Variants in MYO3B observed in about 807,000 individuals in gnomAD.
MYO3B encodes myosin IIIB.
In MYO3B, 156 loss-of-function variants were observed where a neutral mutation model predicts 174.6. The observed-to-expected ratio is 0.89, with a 90% CI of 0.78 to 1.02. The LOEUF is 1.02. Ranked by LOEUF, MYO3B falls within the 50% of genes least tolerant of loss-of-function variation. The pLI is 0.00. For missense variants in MYO3B, 1,632 were observed against 1,639.4 expected (o/e 1.00, Z 0.08); for synonymous variants, 563 against 569.1 (o/e 0.99, Z 0.15).
rs577585259 is a variant in MYO3B, at chr2:170,214,490, A to C, written c.426+7A>C. On this transcript the variant is annotated splice_region_variant and intron_variant, in intron 4 of 34. Coordinates refer to ENST00000408978, the MANE Select transcript of MYO3B (RefSeq NM_138995.5). ...CTTGTACGGGGCCCTCTTGGTAAGA[A>C]CATCTATCAAATGGGGTATGACAGC... The C allele has an allele frequency of 2.3e-5, 37 of 1,612,602 alleles. No individual in the cohort carries two copies. In the South Asian group the frequency reaches 3.2e-4, roughly 14 times the overall value.
chr2:170,208,884 GA>G (rs1559300626), intron 3 of MYO3B, among the ~76,000 whole-genome samples: 1 of 152,154 alleles, frequency 6.6e-6, no homozygotes, highest in Non-Finnish European at 1.5e-5. Flanking sequence ...AGGAATTTCG[GA>G]TAAGACCTTT....
chr2:170,484,415 T>C (rs891841369), intron 25 of MYO3B, among the ~76,000 whole-genome samples: 4 of 152,248 alleles, frequency 2.6e-5, no homozygotes, highest in African/African-American at 9.6e-5. Flanking sequence ...AATTTTCTAA[T>C]TGTAAATAAT....
At chr2:170,284,403 A>T (rs1362566052) in intron 7 of MYO3B, among the ~76,000 whole-genome samples, 1 of 152,140 alleles carries the variant, frequency 6.6e-6, no homozygotes, top group Admixed American at 6.5e-5. Context: ...TCAGCTCAAT[A>T]CATGTCAGTA....
chr2:170,554,144 G>A (rs770391207), intron 32 of MYO3B, among the ~76,000 whole-genome samples: 3 of 152,044 alleles, frequency 2.0e-5, no homozygotes, highest in Non-Finnish European at 4.4e-5. Flanking sequence ...CTGGGTTTTT[G>A]GTTTCTTTGT....
intron 3 of MYO3B, among the ~76,000 whole-genome samples, chr2:170,202,160 G>A (rs1014197646): frequency 6.6e-6 from 1 of 152,182 alleles, no homozygotes; most frequent in Non-Finnish European, 1.5e-5. Flanking sequence ...CCAGAACTAT[G>A]AGCTGAGCCT....
At chr2:170,565,879 A>G (rs1692044136) in intron 32 of MYO3B, among the ~76,000 whole-genome samples, 1 of 152,206 alleles carries the variant, frequency 6.6e-6, no homozygotes, top group Non-Finnish European at 1.5e-5. Flanking sequence ...AAGCATAATC[A>G]TTTTAGATAA....
rs2093671704 is a variant in MYO3B at position 170,302,410 on chromosome 2, A to C, written c.750-32975A>C. On this transcript the variant is annotated intron_variant, in intron 7 of 34. Coordinates refer to ENST00000408978, the MANE Select transcript of MYO3B (RefSeq NM_138995.5). ...ATGAGTTCTCTGTTTTCTGTAATTG[A>C]AATGACCAGCTGGGGCTGGGACTGT... Among the ~76,000 whole-genome samples the C allele has an allele frequency of 3.3e-5, 5 of 152,210 alleles. No individual in the cohort carries two copies. In the South Asian group the frequency reaches 1.0e-3, roughly 32 times the overall value.
chr2:170,289,999 G>A (rs540765746), intron 7 of MYO3B, among the ~76,000 whole-genome samples: 12 of 152,134 alleles, frequency 7.9e-5, no homozygotes, highest in African/African-American at 2.9e-4. Flanking sequence ...GTGTTTGTGT[G>A]TTTTCCAAAG....
intron 8 of MYO3B, among the ~76,000 whole-genome samples, chr2:170,364,605 C>A (rs876751): frequency 0.62 from 93,584 of 152,000 alleles, 30,241 homozygotes; most frequent in Admixed American, 0.75. Context: ...GAAATGAATA[C>A]GTTTCTTAGA....
At chr2:170,531,236 A>G (rs1488113129) in intron 30 of MYO3B, among the ~76,000 whole-genome samples, 1 of 152,210 alleles carries the variant, frequency 6.6e-6, no homozygotes, top group Non-Finnish European at 1.5e-5. Context: ...ATTTGTAAAA[A>G]TGCAAAAAGT....
rs548383126 is a variant in MYO3B, at chr2:170,412,895, T to C, written c.2650+5051T>C. On this transcript the variant is annotated intron_variant, in intron 22 of 34. Coordinates refer to ENST00000408978, the MANE Select transcript of MYO3B (RefSeq NM_138995.5). ...GGAGGCCTGGGGAGTGAGTTCCTCC[T>C]TACAAAGAGACCCACTTCTTTCTAT... Among the ~76,000 whole-genome samples, 9 of 152,292 alleles carry C rather than the reference T, an allele frequency of 5.9e-5. No homozygotes were observed. The East Asian group carries it at 1.7e-3, about 29-fold the overall frequency.
chr2:170,344,012 G>A (rs2105571887), intron 8 of MYO3B, among the ~76,000 whole-genome samples: 1 of 152,350 alleles, frequency 6.6e-6, no homozygotes, highest in East Asian at 1.9e-4. Flanking sequence ...TGGTGTGGCA[G>A]GGCCACATGG....
At chr2:170,251,745 C>A (rs2093255858) in intron 7 of MYO3B, among the ~76,000 whole-genome samples, 1 of 152,170 alleles carries the variant, frequency 6.6e-6, no homozygotes, top group South Asian at 2.1e-4. Context: ...TTCTGTTTTT[C>A]TAAGCCAGCT....
intron 27 of MYO3B, among the ~76,000 whole-genome samples, 154 bp from the exon 28 acceptor site, chr2:170,501,631 G>A (rs1687274356): frequency 6.6e-6 from 1 of 152,214 alleles, no homozygotes; most frequent in Non-Finnish European, 1.5e-5. Context: ...CTCTCTTCTC[G>A]CCATAGATCA....
intron 6 of MYO3B, among the ~76,000 whole-genome samples, chr2:170,234,080 A>G (rs1394993003): frequency 6.8e-6 from 1 of 147,332 alleles, no homozygotes; most frequent in African/African-American, 2.5e-5. Flanking sequence ...CTGAGGCAGG[A>G]GAATGGCGTG....
In MYO3B at chr2:170,466,580, T is replaced by G; in HGVS notation, c.2883T>G (p.Asp961Glu). ...TTGTGCGCTGCATTAAACCCAATGATGACCGAGAGGCCCTGCAGTTCTCTC... is the reference window on the plus strand; with the variant it reads ...TTGTGCGCTGCATTAAACCCAATGAGGACCGAGAGGCCCTGCAGTTCTCTC... The part of the protein sequence containing the change: ...PHFVRCIKPN[D>E]DREALQFSRE... The change falls in exon 25 of 35, where the codon GAT becomes GAG. Residue 961 changes from aspartate to glutamate, a missense_variant. By Grantham distance (45) the Asp-to-Glu change is conservative (BLOSUM62 2). Coordinates refer to ENST00000408978, the MANE Select transcript of MYO3B (RefSeq NM_138995.5). 6.2e-7 allele frequency: 1 copy of G among 1,614,220 alleles called. No individual in the cohort carries two copies. The highest frequency in any genetic ancestry group is 8.5e-7 in the Non-Finnish European group (1 of 1,180,042).
intron 22 of MYO3B, among the ~76,000 whole-genome samples, chr2:170,410,582 C>G (rs1036434124): frequency 2.8e-5 from 1 of 35,426 alleles, no homozygotes; most frequent in African/African-American, 1.0e-4. Context: ...TCCGTCTCAA[C>G]AAAAAAAAAG....
intron 32 of MYO3B, among the ~76,000 whole-genome samples, chr2:170,565,854 G>A (rs1692041869): frequency 6.6e-6 from 1 of 152,084 alleles, no homozygotes; most frequent in African/African-American, 2.4e-5. Context: ...AAATTAACTG[G>A]GTTATCTGAT....
chr2:170,481,219 T>C lies in MYO3B; in HGVS notation c.3014+14508T>C, dbSNP rs75481422. Among the ~76,000 whole-genome samples the C allele has an allele frequency of 8.0e-3, 1,212 of 152,346 alleles. 14 individuals carry two copies. The highest frequency in any genetic ancestry group is 0.026 in the African/African-American group (1,101 of 41,584). On this transcript the variant is annotated intron_variant, in intron 25 of 34. Coordinates refer to ENST00000408978, the MANE Select transcript of MYO3B (RefSeq NM_138995.5). Reference sequence around the variant, plus strand: ...TTCTTTTCACCTGTAGCTACATAGATGAGAGTCTGATATAAACAGATCTTA... The same window carrying C: ...TTCTTTTCACCTGTAGCTACATAGACGAGAGTCTGATATAAACAGATCTTA...
Sources: gnomAD v4.1 joint callset for allele counts (sites outside exome capture counted in the v4.1 genomes callset) on GRCh38, gnomAD v4.1.1 for gene constraint, MANE v1.5 for transcripts, NCBI Gene and HGNC (gene_info 2026-07-23, HGNC 2026-07-21) for gene names.